ARHGEF12: variants seen among roughly 807,000 people sequenced by gnomAD.
ARHGEF12 encodes the protein KMT2A/ARHGEF12 fusion protein.
Under a neutral mutation model 211.2 loss-of-function variants are expected in ARHGEF12, and 66 were observed. The ratio of observed to expected loss-of-function variants is 0.31; its 90% CI spans 0.26 to 0.38. ARHGEF12 has a LOEUF of 0.38. Among genes scored for constraint, ARHGEF12 ranks in the 10% least tolerant of loss-of-function variants. ARHGEF12 has a pLI of 1.00. For missense variants in ARHGEF12, 1,429 were observed against 1,869.5 expected (o/e 0.76, Z 4.34); for synonymous variants, 592 against 638.4 (o/e 0.93, Z 1.09).
At chr11:120,353,456 C>T (rs928305703) in intron 1 of ARHGEF12, among the ~76,000 whole-genome samples, 8 of 152,126 alleles carry the variant, frequency 5.3e-5, no homozygotes, top group African/African-American at 1.4e-4. Context: ...CAGACTCTTG[C>T]GGTCCATCTC....
At chr11:120,424,273 T>C (rs1732673809) in intron 6 of ARHGEF12, 85 bp from the exon 7 acceptor site, 3 of 882,124 alleles carry the variant, frequency 3.4e-6, no homozygotes, top group East Asian at 2.5e-5. Context: ...ATATTGGTTA[T>C]ATTATGTATG....
At chr11:120,458,386 T>C in intron 25 of ARHGEF12, 152 bp downstream of exon 25, 1 of 750,906 alleles carries the variant, frequency 1.3e-6, no homozygotes, top group East Asian at 3.1e-5. Flanking sequence ...ATCCTTGAAC[T>C]CAAGAAAATG....
chr11:120,386,550 A>G (rs1459536935), intron 1 of ARHGEF12, among the ~76,000 whole-genome samples: 3 of 152,122 alleles, frequency 2.0e-5, no homozygotes, highest in Non-Finnish European at 2.9e-5. Flanking sequence ...CAAATTAACA[A>G]ATTCTTACTG....
intron 13 of ARHGEF12, among the ~76,000 whole-genome samples, chr11:120,441,483 C>T (rs1455630119): frequency 6.6e-6 from 1 of 152,124 alleles, no homozygotes; most frequent in Non-Finnish European, 1.5e-5. Context: ...TTTCCGTTCT[C>T]CCACAGTGGT....
rs1170801124 is a variant in ARHGEF12, at chr11:120,487,842, C to A, written c.*2765C>A. On this transcript the variant is annotated 3_prime_UTR_variant, in exon 41 of 41. Coordinates refer to ENST00000397843, the MANE Select transcript of ARHGEF12 (RefSeq NM_015313.3). ...CAGTTAATCAAGGCAAATCAGCAAG[C>A]CCCCAAAGTGCTGTAATTTAACATC... The A allele has an allele frequency of 4.6e-6, 1 of 219,764 alleles. No homozygotes were observed. The highest frequency in any genetic ancestry group is 9.1e-6 in the Non-Finnish European group (1 of 109,678). 13.6% of individuals were successfully genotyped at this position (219,764 alleles called of 1,614,324 possible). A position where few individuals can be genotyped will look rare whatever the true frequency, so the allele number is the denominator to read the frequency against.
chr11:120,352,786 C>G (rs938482957), intron 1 of ARHGEF12, among the ~76,000 whole-genome samples: 6 of 152,206 alleles, frequency 3.9e-5, no homozygotes, highest in African/African-American at 1.4e-4. Flanking sequence ...TCATTCTCCC[C>G]ATAAGGGGAT....
rs546052409 is a variant in ARHGEF12 at position 120,486,080 on chromosome 11, A to G, written c.*1003A>G. 4.6e-6 allele frequency: 1 copy of G among 217,008 alleles called. No individual in the cohort carries two copies. Among genetic ancestry groups the G allele is most frequent in the East Asian group, 6.7e-5 (1 of 14,842 alleles). 13.4% of individuals were successfully genotyped at this position (217,008 alleles called of 1,614,324 possible). A position where few individuals can be genotyped will look rare whatever the true frequency, so the allele number is the denominator to read the frequency against. On this transcript the variant is annotated 3_prime_UTR_variant, in exon 41 of 41. Coordinates refer to ENST00000397843, the MANE Select transcript of ARHGEF12 (RefSeq NM_015313.3). ...ATAGTGGCAGGGGTGGGGGTTGCTA[A>G]GGAAAGGGTGGGATGGGAGTGGGTA...
chr11:120,426,243 TA>T (rs1358992339), intron 7 of ARHGEF12, among the ~76,000 whole-genome samples: 1 of 152,182 alleles, frequency 6.6e-6, no homozygotes, highest in East Asian at 1.9e-4. Flanking sequence ...TTGAGGTGTA[TA>T]AAAACATTTC....
rs2305008 is a variant in ARHGEF12 at position 120,448,355 on chromosome 11, A to C, written c.1737+7A>C. Reference sequence around the variant, plus strand: ...ATTTCTTCCCAAAATCAAGGTAAGAATGAAATAATGTAATAGCATGTTCAG... The same window carrying C: ...ATTTCTTCCCAAAATCAAGGTAAGACTGAAATAATGTAATAGCATGTTCAG... On this transcript the variant is annotated splice_region_variant and intron_variant, in intron 20 of 40. Coordinates refer to ENST00000397843, the MANE Select transcript of ARHGEF12 (RefSeq NM_015313.3). 645,791 of 1,608,176 alleles carry C rather than the reference A, an allele frequency of 0.4. 131,362 individuals are homozygous for C. The highest frequency in any genetic ancestry group is 0.53 in the African/African-American group (39,779 of 74,848).
At position 120,441,897 on chromosome 11, in the gene ARHGEF12, G is replaced by A. The variant is rs1945878350; in HGVS notation, c.1203+80G>A. 4.8e-6 allele frequency: 6 copies of A among 1,246,338 alleles called. No individual in the cohort carries two copies. The East Asian group carries it at 7.0e-5, about 14-fold the overall frequency. The allele number at this position is 1,246,338 out of a possible 1,614,324, so 77.2% of individuals were successfully genotyped here. A position where few individuals can be genotyped will look rare whatever the true frequency, so the allele number is the denominator to read the frequency against. On this transcript the variant is annotated intron_variant, in intron 14 of 40. Coordinates refer to ENST00000397843, the MANE Select transcript of ARHGEF12 (RefSeq NM_015313.3). Reference sequence around the variant, plus strand: ...ATAGAACTTTTCCTAGCTATACAACGAGTGGGCAGACTTCTTTCAGTTTTC... The same window carrying A: ...ATAGAACTTTTCCTAGCTATACAACAAGTGGGCAGACTTCTTTCAGTTTTC...
Position 120,363,488 on chromosome 11 carries a change from A to C in ARHGEF12, c.32+26213A>C, listed in dbSNP as rs942972140. 8.5e-5 allele frequency among the ~76,000 whole-genome samples: 13 copies of C among 152,138 alleles called. 1 individual carries two copies. The South Asian group carries it at 1.2e-3, about 15-fold the overall frequency. ...CCCACTAGTGTTGCCTTCTATTTGT[A>C]GCAAGTTAATACTGGTTTTCTATTT... On this transcript the variant is annotated intron_variant, in intron 1 of 40. Transcript: ENST00000397843.
chr11:120,400,821 C>T (rs1944531641), intron 1 of ARHGEF12, among the ~76,000 whole-genome samples: 1 of 152,180 alleles, frequency 6.6e-6, no homozygotes, highest in Admixed American at 6.5e-5. Context: ...CATGTAAGCT[C>T]TTCAGTAAAA....
chr11:120,489,624 G>T lies in ARHGEF12; in HGVS notation c.*4547G>T, dbSNP rs1947482930. 1 of 212,814 alleles carries T rather than the reference G, an allele frequency of 4.7e-6. No individual in the cohort carries two copies. Among genetic ancestry groups the T allele is most frequent in the Admixed American group, 5.8e-5 (1 of 17,108 alleles). 13.2% of individuals were successfully genotyped at this position (212,814 alleles called of 1,614,324 possible). A position where few individuals can be genotyped will look rare whatever the true frequency, so the allele number is the denominator to read the frequency against. On this transcript the variant is annotated 3_prime_UTR_variant, in exon 41 of 41. Transcript: ENST00000397843. ...TACTTGTAATTTGACTTATTCTTGGGATAATATTTTAGTTTTCAGTCATTC... is the reference window on the plus strand; with the variant it reads ...TACTTGTAATTTGACTTATTCTTGGTATAATATTTTAGTTTTCAGTCATTC...
chr11:120,403,642 T>TAC (rs1383365705), intron 1 of ARHGEF12, among the ~76,000 whole-genome samples: 3 of 152,174 alleles, frequency 2.0e-5, no homozygotes, highest in Non-Finnish European at 4.4e-5. Flanking sequence ...AATAGAAAAA[T>TAC]ACACACACAC....
At chr11:120,447,398 A>G (rs942779821) in intron 18 of ARHGEF12, 2 of 261,338 alleles carry the variant, frequency 7.7e-6, no homozygotes, top group Non-Finnish European at 1.4e-5. Flanking sequence ...TGAAGCATAT[A>G]CAGTTGGTGA....
At chr11:120,397,967 T>G (rs1425135148) in intron 1 of ARHGEF12, among the ~76,000 whole-genome samples, 1 of 152,188 alleles carries the variant, frequency 6.6e-6, no homozygotes, top group African/African-American at 2.4e-5. Flanking sequence ...TATGGGTGAT[T>G]TTTGTTTACT....
chr11:120,432,213 C>T lies in ARHGEF12; in HGVS notation c.924+302C>T, dbSNP rs939304444. Among the ~76,000 whole-genome samples, 4 of 152,214 alleles carry T rather than the reference C, an allele frequency of 2.6e-5. No individual in the cohort carries two copies. The East Asian group carries it at 5.8e-4, about 22-fold the overall frequency. On this transcript the variant is annotated intron_variant, in intron 11 of 40. Transcript: ENST00000397843. ...TAATGCCAGTGCATTTTTACTGAACCGAGAGACCAACTGTTGATATCTTTA... is the reference window on the plus strand; with the variant it reads ...TAATGCCAGTGCATTTTTACTGAACTGAGAGACCAACTGTTGATATCTTTA...
chr11:120,477,419 GTTTTT>G (rs371114939), intron 35 of ARHGEF12, 23 bp from the exon 36 acceptor site: 76 of 1,250,900 alleles, frequency 6.1e-5, no homozygotes, highest in Middle Eastern at 2.4e-4. Context: ...GAAGGTAAAA[GTTTTT>G]TTTTTTTTTT....
chr11:120,399,343 A>AAAAAAAAAGAAAAG, intron 1 of ARHGEF12, among the ~76,000 whole-genome samples: 1 of 147,718 alleles, frequency 6.8e-6, no homozygotes, highest in Non-Finnish European at 1.5e-5. Flanking sequence ...AAAAAAAAAA[A>AAAAAAAAAGAAAAG]AAAAAAAAGA....
Sources: gnomAD v4.1 joint callset for allele counts (sites outside exome capture counted in the v4.1 genomes callset) on GRCh38, gnomAD v4.1.1 for gene constraint, MANE v1.5 for transcripts, NCBI Gene and HGNC (gene_info 2026-07-23, HGNC 2026-07-21) for gene names.